Variants in WNT8B observed in about 807,000 individuals in gnomAD.
WNT8B encodes Wnt family member 8B, also known as protein Wnt-8b.
WNT8B carries 24 observed loss-of-function variants against 36.6 expected under a neutral mutation model. The observed-to-expected ratio is 0.66, with a 90% CI of 0.48 to 0.92. The LOEUF is 0.92. Among genes scored for constraint, WNT8B ranks in the 40% least tolerant of loss-of-function variants. WNT8B has a pLI of 0.00. For synonymous variants in WNT8B, 199 were observed against 189.8 expected, an observed-to-expected ratio of 1.05 and a Z score of -0.40; for missense variants, 402 against 470.8, an observed-to-expected ratio of 0.85 and a Z score of 1.35.
At position 100,468,700 on chromosome 10, in the gene WNT8B, C is replaced by T. The variant is rs77077885; in HGVS notation, c.68+5464C>T. On this transcript the variant is annotated intron_variant, in intron 1 of 5. Transcript: ENST00000343737. Reference sequence around the variant, plus strand: ...GATAGCCTATCACTCTATAAAATATCCTGGAATACAAATGACGTATCAGTT... The same window carrying T: ...GATAGCCTATCACTCTATAAAATATTCTGGAATACAAATGACGTATCAGTT... Among the ~76,000 whole-genome samples the T allele has an allele frequency of 5.7e-3, 868 of 152,320 alleles. 10 individuals carry two copies. Among genetic ancestry groups the T allele is most frequent in the African/African-American group, 0.02 (846 of 41,560 alleles).
chr10:100,468,115 T>C (rs1335922433), intron 1 of WNT8B, among the ~76,000 whole-genome samples: 3 of 152,220 alleles, frequency 2.0e-5, no homozygotes, highest in Non-Finnish European at 4.4e-5. Context: ...TTTATTTCTA[T>C]TGGAGCTGTG....
At chr10:100,467,644 T>A (rs77368095) in intron 1 of WNT8B, among the ~76,000 whole-genome samples, 3,519 of 152,340 alleles carry the variant, frequency 0.023, 139 homozygotes, top group African/African-American at 0.079. Flanking sequence ...AATCAATAGA[T>A]TGTCCACGTT....
Position 100,463,219 on chromosome 10 carries a change from C to G in WNT8B, c.51C>G (p.Leu17=). 6.2e-7 allele frequency: 1 copy of G among 1,613,984 alleles called. No individual in the cohort carries two copies. Among genetic ancestry groups the G allele is most frequent in the African/African-American group, 1.3e-5 (1 of 75,026 alleles). ...ACATCTGTCTTTTCACCTGTGTCCTCCAACTCAGCCACAGCTGGTAAGTAA... is the reference window on the plus strand; with the variant it reads ...ACATCTGTCTTTTCACCTGTGTCCTGCAACTCAGCCACAGCTGGTAAGTAA... ...SVYICLFTCV[L]QLSHSWSVNN... is the part of the protein sequence containing the mutation. Residue 17 remains leucine, a synonymous_variant, in exon 1 of 6, where the codon CTC becomes CTG. Coordinates refer to ENST00000343737, the MANE Select transcript of WNT8B (RefSeq NM_003393.4).
chr10:100,479,849 A>C, intron 2 of WNT8B, 25 bp from the exon 3 acceptor site: 1 of 1,612,514 alleles, frequency 6.2e-7, no homozygotes, highest in Non-Finnish European at 8.5e-7. Flanking sequence ...GTTCAGTCTG[A>C]ATTTTTACCC....
Position 100,482,534 on chromosome 10 carries a change from GA to G in WNT8B, c.776del (p.Asn259ThrfsTer4), listed in dbSNP as rs773455668. ...AGGACTCCCCGGACTACTGCCTGGA[GA>G]ACAAAACGCTAGGGCTGCTGGGCAC... ...LEDSPDYCLE[N>X]KTLGLLGTEG... On this transcript the variant is annotated frameshift_variant, in exon 6 of 6. Coordinates refer to ENST00000343737, the MANE Select transcript of WNT8B (RefSeq NM_003393.4). LOFTEE classifies it high-confidence loss of function. This position sits in a 1 kb window ranked among gnomAD's most constrained non-coding sequence, Gnocchi z 6.6. 2 of 1,599,794 alleles carry G rather than the reference GA, an allele frequency of 1.3e-6. No homozygotes were observed. Among genetic ancestry groups the G allele is most frequent in the African/African-American group, 2.7e-5 (2 of 74,918 alleles).
chr10:100,472,533 AAAG>A (rs888023820), intron 1 of WNT8B, among the ~76,000 whole-genome samples: 2 of 152,240 alleles, frequency 1.3e-5, no homozygotes, highest in African/African-American at 4.8e-5. Context: ...GGAAATTTAA[AAAG>A]ATGATACAGG....
intron 1 of WNT8B, among the ~76,000 whole-genome samples, chr10:100,474,753 C>A (rs557379297): frequency 3.2e-4 from 48 of 151,974 alleles, no homozygotes; most frequent in African/African-American, 1.0e-3. Flanking sequence ...TTAGTAGAGA[C>A]GGGGTTTCAC....
intron 1 of WNT8B, among the ~76,000 whole-genome samples, chr10:100,477,559 A>G (rs1403294421): frequency 6.6e-6 from 1 of 152,122 alleles, no homozygotes; most frequent in African/African-American, 2.4e-5. Flanking sequence ...TTGGCCTCCC[A>G]AAGTGCTAGG....
At chr10:100,478,959 C>A in intron 1 of WNT8B, 93 bp from the exon 2 acceptor site, 1 of 1,067,372 alleles carries the variant, frequency 9.4e-7, no homozygotes, top group Non-Finnish European at 1.3e-6. Flanking sequence ...CTATTAATGA[C>A]ATGTGCTGAA....
rs1215675131 is a variant in WNT8B at position 100,483,003 on chromosome 10, G to A, written c.*187G>A. ...TCCCCAATTCCTCTGTGCTCTCCTA[G>A]AGCTCTGTCTGAATCCTCGCAGCCA... On this transcript the variant is annotated 3_prime_UTR_variant, in exon 6 of 6. Coordinates refer to ENST00000343737, the MANE Select transcript of WNT8B (RefSeq NM_003393.4). 9.3e-6 allele frequency: 6 copies of A among 646,286 alleles called. No homozygotes were observed. The highest frequency in any genetic ancestry group is 1.2e-5 in the Non-Finnish European group (5 of 407,370). The allele number at this position is 646,286 out of a possible 1,614,324, so 40.0% of individuals were successfully genotyped here.
intron 1 of WNT8B, among the ~76,000 whole-genome samples, chr10:100,475,172 G>A (rs1013901942): frequency 6.6e-6 from 1 of 151,956 alleles, no homozygotes; most frequent in African/African-American, 2.4e-5. Flanking sequence ...CTCGGGAGGC[G>A]GAGGCTGCAG....
At chr10:100,475,694 T>C (rs543305240) in intron 1 of WNT8B, among the ~76,000 whole-genome samples, 4 of 152,122 alleles carry the variant, frequency 2.6e-5, no homozygotes, top group Non-Finnish European at 4.4e-5. Context: ...TTATGGAAAA[T>C]GGGAACTAGC....
chr10:100,479,229 G>A (rs1366750345), intron 2 of WNT8B, 144 bp downstream of exon 2: 26 of 762,494 alleles, frequency 3.4e-5, no homozygotes, highest in Non-Finnish European at 4.6e-5. Flanking sequence ...CCCAGAGGGT[G>A]TTAGGGACAC....
In WNT8B at chr10:100,481,112, A is replaced by G; in HGVS notation, c.356A>G (p.Asn119Ser). ...AACTGTGGCTGTGATGACTCCCGCAACGGGCAACTGGGTGAGTAGTAATGT... is the reference window on the plus strand; with the variant it reads ...AACTGTGGCTGTGATGACTCCCGCAGCGGGCAACTGGGTGAGTAGTAATGT... Reference protein sequence around the residue: ...FDNCGCDDSRNGQLGGQGWLW... With the variant: ...FDNCGCDDSRSGQLGGQGWLW... The change falls in exon 4 of 6, where the codon AAC (asparagine) becomes AGC (serine). Residue 119 changes from asparagine (N) to serine (S), a missense_variant. Transcript: ENST00000343737. 6.2e-7 allele frequency: 1 copy of G among 1,614,108 alleles called. No homozygotes were observed. The highest frequency in any genetic ancestry group is 8.5e-7 in the Non-Finnish European group (1 of 1,179,994).
rs144554783 is a variant in WNT8B, at chr10:100,480,840, C to T, written c.242-158C>T. On this transcript the variant is annotated intron_variant, in intron 3 of 5. Coordinates refer to ENST00000343737, the MANE Select transcript of WNT8B (RefSeq NM_003393.4). The stretch of plus-strand genomic sequence containing the variant: ...GCAACATAGTGAGACCGACTCTCTG[C>T]AAAAAAATAAAAGTTAAAAAATAAT... Among the ~76,000 whole-genome samples the T allele has an allele frequency of 1.7e-4, 26 of 151,618 alleles. No homozygotes were observed. The East Asian group carries it at 5.0e-3, about 29-fold the overall frequency.
At chr10:100,479,825 T>G (rs1288346668) in intron 2 of WNT8B, 49 bp from the exon 3 acceptor site, 2 of 1,604,742 alleles carry the variant, frequency 1.2e-6, no homozygotes, top group South Asian at 2.2e-5. Context: ...CAGTTTAGGG[T>G]AAATGCCTCC....
rs1015202040 is a variant in WNT8B, at chr10:100,481,693, C to T, written c.368-219C>T. On this transcript the variant is annotated intron_variant, in intron 4 of 5. Transcript: ENST00000343737. ...GAATCCACTCGGCAACTACTTACGT[C>T]GTTGAGCCCTGAGCAGGGGATTGGC... Among the ~76,000 whole-genome samples the T allele has an allele frequency of 2.6e-5, 4 of 152,180 alleles. No individual in the cohort carries two copies. The East Asian group carries it at 7.7e-4, about 29-fold the overall frequency.
intron 1 of WNT8B, among the ~76,000 whole-genome samples, chr10:100,464,152 T>G (rs544097690): frequency 1.3e-5 from 2 of 152,310 alleles, no homozygotes; most frequent in Admixed American, 6.5e-5. Context: ...GAAAAGAAAT[T>G]TCTTTGCTGA....
At chr10:100,479,725 AT>A in intron 2 of WNT8B, 148 bp from the exon 3 acceptor site, 1 of 1,053,506 alleles carries the variant, frequency 9.5e-7, no homozygotes, top group South Asian at 1.7e-5. Flanking sequence ...TTCACAAGTT[AT>A]TTGTGATGTC....
Sources: allele counts gnomAD v4.1 joint callset (sites outside exome capture counted in the v4.1 genomes callset), GRCh38; gene constraint gnomAD v4.1.1; non-coding constraint Gnocchi (gnomAD v3.1); transcripts MANE v1.5; gene names NCBI Gene and HGNC (gene_info 2026-07-23, HGNC 2026-07-21).